The following G2E3 variants were observed in gnomAD, a reference collection of about 807,000 sequenced individuals.
G2E3 encodes G2/M phase-specific E3 ubiquitin-protein ligase.
G2E3 carries 35 observed loss-of-function variants against 92.8 expected under a neutral mutation model. That is an observed-to-expected ratio of 0.38 (90% CI 0.29 to 0.50). G2E3 has a LOEUF of 0.50. G2E3 is among the 20% of genes least tolerant of loss of function. The pLI, the probability that G2E3 is intolerant of heterozygous loss-of-function variation, is 0.94. For missense variants in G2E3, 554 were observed against 823.8 expected, an observed-to-expected ratio of 0.67 and a Z score of 4.01; for synonymous variants, 242 against 272.4, an observed-to-expected ratio of 0.89 and a Z score of 1.10.
chr14:30,595,881 A>G (rs374286768), intron 6 of G2E3, among the ~76,000 whole-genome samples: 1 of 151,968 alleles, frequency 6.6e-6, no homozygotes, highest in Non-Finnish European at 1.5e-5. Flanking sequence ...AAAACTTTCC[A>G]CTCTGTGTCT....
At chr14:30,583,375 T>C (rs1880534388) in intron 2 of G2E3, among the ~76,000 whole-genome samples, 1 of 152,212 alleles carries the variant, frequency 6.6e-6, no homozygotes, top group African/African-American at 2.4e-5. Flanking sequence ...ATTATCCTCA[T>C]TTTTATGATG....
chr14:30,607,217 A>T (rs1403809701), intron 11 of G2E3, among the ~76,000 whole-genome samples: 1 of 152,000 alleles, frequency 6.6e-6, no homozygotes, highest in Admixed American at 6.5e-5. Context: ...GCATAAGTCA[A>T]ACTTTTTATA....
intron 12 of G2E3, among the ~76,000 whole-genome samples, chr14:30,608,337 C>A (rs1881928532): frequency 6.6e-6 from 1 of 151,860 alleles, no homozygotes; most frequent in Admixed American, 6.6e-5. Context: ...TGTGAATACT[C>A]CTCAGAAATA....
chr14:30,574,995 G>A (rs999412491), intron 1 of G2E3, among the ~76,000 whole-genome samples: 1 of 152,112 alleles, frequency 6.6e-6, no homozygotes, highest in African/African-American at 2.4e-5. Flanking sequence ...TTTGTGGATT[G>A]CCATACTGCT....
At position 30,601,880 on chromosome 14, in the gene G2E3, T is replaced by C; in HGVS notation, c.863T>C (p.Ile288Thr). The change falls in exon 9 of 15, where the codon ATT (isoleucine) becomes ACT (threonine). Residue 288 changes from isoleucine to threonine, a missense_variant. By Grantham distance (89) the Ile-to-Thr change is moderately conservative. This residue lies in a region of G2E3 where 397 missense variants were observed against 560.3 expected (regional missense o/e 0.71). Transcript: ENST00000206595. Reference protein sequence around the residue: ...QNWECLECRGIIYNSGEFQKA... With the variant: ...QNWECLECRGTIYNSGEFQKA... The stretch of plus-strand genomic sequence containing the variant: ...TGGGAGTGTTTGGAATGTAGGGGTA[T>C]TATCTACAATTCAGGTAATTTTTTT... The C allele has an allele frequency of 6.2e-7, 1 of 1,613,162 alleles. No homozygotes were observed. The highest frequency in any genetic ancestry group is 8.5e-7 in the Non-Finnish European group (1 of 1,179,274).
At chr14:30,572,435 C>G (rs1208523650) in intron 1 of G2E3, among the ~76,000 whole-genome samples, 1 of 152,122 alleles carries the variant, frequency 6.6e-6, no homozygotes, top group Admixed American at 6.6e-5. Context: ...TGACATTTGT[C>G]AGATGCCCTT....
chr14:30,617,083 T>G lies in G2E3; in HGVS notation c.*549T>G, dbSNP rs1322267269. On this transcript the variant is annotated 3_prime_UTR_variant, in exon 15 of 15. Transcript: ENST00000206595. ...GTTGTTTAAAATGTTTTTAGATTAC[T>G]GATTTATATTAAGATGACCCACACT... The G allele has an allele frequency of 6.6e-6, 1 of 152,444 alleles. No homozygotes were observed. Among genetic ancestry groups the G allele is most frequent in the East Asian group, 1.9e-4 (1 of 5,210 alleles). 9.4% of individuals were successfully genotyped at this position (152,444 alleles called of 1,614,324 possible).
chr14:30,587,399 A>T (rs140457966), intron 3 of G2E3, among the ~76,000 whole-genome samples: 2 of 152,292 alleles, frequency 1.3e-5, no homozygotes, highest in African/African-American at 4.8e-5. Flanking sequence ...TATTAGTGGC[A>T]CATTACCACC....
chr14:30,585,389 C>A (rs1880654344), intron 2 of G2E3, among the ~76,000 whole-genome samples: 1 of 152,126 alleles, frequency 6.6e-6, no homozygotes, highest in Non-Finnish European at 1.5e-5. Context: ...AGCTAATTGT[C>A]CCAGCAGTAT....
At position 30,593,712 on chromosome 14, in the gene G2E3, G is replaced by C. The variant is rs1014330195; in HGVS notation, c.528+73G>C. On this transcript the variant is annotated intron_variant, in intron 6 of 14. Transcript: ENST00000206595. ...GCTTGCTGATTTAAATTTTAAATTA[G>C]AAAGAATTGACGTGTATATTACCTC... 6 of 1,090,982 alleles carry C rather than the reference G, an allele frequency of 5.5e-6. No individual in the cohort carries two copies. In the African/African-American group the frequency reaches 7.9e-5, roughly 14 times the overall value. The allele number at this position is 1,090,982 out of a possible 1,614,324, so 67.6% of individuals were successfully genotyped here. A position where few individuals can be genotyped will look rare whatever the true frequency, so the allele number is the denominator to read the frequency against.
At chr14:30,606,137 TC>T (rs1881820587) in intron 11 of G2E3, among the ~76,000 whole-genome samples, 1 of 152,140 alleles carries the variant, frequency 6.6e-6, no homozygotes, top group Non-Finnish European at 1.5e-5. Context: ...TTTGAATTCT[TC>T]CTGTTTGTAT....
In G2E3 at chr14:30,602,048, G is replaced by A. The variant is rs1411602943; in HGVS notation, c.927G>A (p.Val309=). Residue 309 remains valine (V), a synonymous_variant, in exon 10 of 15, where the codon GTG becomes GTA. Transcript: ENST00000206595. ...ATGTATTACCCAATTCTAATAATGT[G>A]GGGATTACAGATTGTTTGTTGGAAG... ...KKHVLPNSNN[V]GITDCLLEES... The A allele has an allele frequency of 1.9e-6, 3 of 1,611,168 alleles. No individual in the cohort carries two copies. In the Admixed American group the frequency reaches 5.0e-5, roughly 27 times the overall value.
chr14:30,563,371 CAT>C (rs748310708), intron 1 of G2E3, among the ~76,000 whole-genome samples: 4 of 152,112 alleles, frequency 2.6e-5, no homozygotes, highest in Non-Finnish European at 4.4e-5. Flanking sequence ...GTCTAAGGGA[CAT>C]AAAGCCCCAT....
At chr14:30,579,063 C>T (rs569950657) in intron 1 of G2E3, among the ~76,000 whole-genome samples, 2 of 152,196 alleles carry the variant, frequency 1.3e-5, no homozygotes, top group East Asian at 3.9e-4. Flanking sequence ...TCAATTTGTT[C>T]ACTTAAGGCA....
At chr14:30,561,402 C>T (rs192888407) in intron 1 of G2E3, among the ~76,000 whole-genome samples, 1 of 152,316 alleles carries the variant, frequency 6.6e-6, no homozygotes, top group Admixed American at 6.5e-5. Context: ...TCTCTGATGG[C>T]TTCTCATTGT....
At chr14:30,604,900 ATTC>A (rs1266023335) in intron 10 of G2E3, among the ~76,000 whole-genome samples, 5 of 151,996 alleles carry the variant, frequency 3.3e-5, no homozygotes, top group African/African-American at 1.2e-4. Flanking sequence ...TCATTCATTC[ATTC>A]ATTCATTTAT....
intron 1 of G2E3, among the ~76,000 whole-genome samples, chr14:30,567,660 TTTCC>T (rs1879520663): frequency 6.6e-6 from 1 of 151,770 alleles, no homozygotes; most frequent in African/African-American, 2.4e-5. Flanking sequence ...CTCTAAATTA[TTTCC>T]TTCCTTCTGC....
At chr14:30,577,678 TAGTG>T (rs772616867) in intron 1 of G2E3, 22 of 152,356 alleles carry the variant, frequency 1.4e-4, no homozygotes, top group Non-Finnish European at 2.1e-4. Flanking sequence ...TGATCCATGA[TAGTG>T]AGGAGGAAGT....
chr14:30,605,378 G>A, intron 10 of G2E3, 127 bp from the exon 11 acceptor site: 1 of 449,914 alleles, frequency 2.2e-6, no homozygotes, highest in Non-Finnish European at 4.0e-6. Context: ...AATTTTGGGT[G>A]GGAATTGGGG....
Sources: gnomAD v4.1 joint callset for allele counts (sites outside exome capture counted in the v4.1 genomes callset) on GRCh38, gnomAD v4.1.1 for gene constraint, gnomAD v4.1.1 regional missense constraint, MANE v1.5 for transcripts, NCBI Gene and HGNC (gene_info 2026-07-23, HGNC 2026-07-21) for gene names.